The following ADARB2 variants were observed in gnomAD, a reference collection of about 807,000 sequenced individuals.
ADARB2 encodes the protein inactive double-stranded RNA-specific editase B2.
In ADARB2, 25 loss-of-function variants were observed where a neutral mutation model predicts 62.2. That is an observed-to-expected ratio of 0.40 (90% confidence interval 0.29 to 0.56). ADARB2 has a LOEUF of 0.56. Among genes scored for constraint, ADARB2 ranks in the 20% least tolerant of loss-of-function variants. ADARB2 has a pLI of 0.43. For missense variants in ADARB2, 1,071 were observed against 1,077.4 expected, an observed-to-expected ratio of 0.99 and a Z score of 0.08; for synonymous variants, 572 against 500.8, an observed-to-expected ratio of 1.14 and a Z score of -1.90.
At chr10:1,317,054 C>G (rs1249334246) in intron 3 of ADARB2, among the ~76,000 whole-genome samples, 1 of 152,266 alleles carries the variant, frequency 6.6e-6, no homozygotes, top group East Asian at 1.9e-4. Context: ...TTTATGGGCA[C>G]TGCCGTGGCA....
intron 1 of ADARB2, among the ~76,000 whole-genome samples, chr10:1,652,223 A>G (rs1834119440): frequency 6.6e-6 from 1 of 152,218 alleles, no homozygotes; most frequent in Non-Finnish European, 1.5e-5. Flanking sequence ...CTGGCCAGTG[A>G]CAGCTCAGCA....
At position 1,326,784 on chromosome 10, in the gene ADARB2, A is replaced by ACGGCCCAGCGC. The variant is rs1399183377; in HGVS notation, c.1077+36243_1077+36244insGCGCTGGGCCG. Among the ~76,000 whole-genome samples the ACGGCCCAGCGC allele has an allele frequency of 1.6e-4, 10 of 63,418 alleles. 1 individual carries two copies. The highest frequency in any genetic ancestry group is 2.5e-4 in the African/African-American group (6 of 24,004). 41.6% of individuals were successfully genotyped at this position (63,418 alleles called of 152,430 possible). On this transcript the variant is annotated intron_variant, in intron 3 of 9. Transcript: ENST00000381312. ...GCCTCTGGTAGCACAGCCCCTCCTC[A>ACGGCCCAGCGC]CTGCCCAGCGCCTCCCCACGGCCCA...
intron 1 of ADARB2, among the ~76,000 whole-genome samples, chr10:1,681,073 G>C (rs754456295): frequency 5.3e-5 from 8 of 152,208 alleles, no homozygotes; most frequent in Non-Finnish European, 1.0e-4. Flanking sequence ...GAAGCGTCAG[G>C]TTTGAAGGCA....
intron 1 of ADARB2, among the ~76,000 whole-genome samples, chr10:1,437,038 T>C (rs533833118): frequency 1.3e-4 from 20 of 152,308 alleles, no homozygotes; most frequent in African/African-American, 4.8e-4. Context: ...ATGCTGTTAG[T>C]TGCATTAAGG....
chr10:1,232,744 G>C (rs1368321757), intron 6 of ADARB2, among the ~76,000 whole-genome samples: 1 of 137,348 alleles, frequency 7.3e-6, no homozygotes, highest in Non-Finnish European at 1.6e-5. Context: ...GACATGAGTA[G>C]TGTATGTGGT....
chr10:1,266,071 G>T (rs533135663), intron 4 of ADARB2, among the ~76,000 whole-genome samples: 3 of 147,684 alleles, frequency 2.0e-5, no homozygotes, highest in Non-Finnish European at 4.5e-5. Context: ...ACGCTCCCCC[G>T]GAAGACGGCC....
At chr10:1,590,244 C>T (rs557690079) in intron 1 of ADARB2, among the ~76,000 whole-genome samples, 2 of 152,160 alleles carry the variant, frequency 1.3e-5, no homozygotes, top group Non-Finnish European at 2.9e-5. Flanking sequence ...GGCACCCAGC[C>T]CATTAGGAGC....
At chr10:1,249,616 G>GCGCGCA (rs1554748542) in intron 4 of ADARB2, among the ~76,000 whole-genome samples, 1 of 147,356 alleles carries the variant, frequency 6.8e-6, no homozygotes, top group African/African-American at 2.5e-5. Context: ...GTGATTTTAT[G>GCGCGCA]CACACACACA....
At chr10:1,308,569 A>G (rs544488203) in intron 3 of ADARB2, among the ~76,000 whole-genome samples, 2 of 152,300 alleles carry the variant, frequency 1.3e-5, no homozygotes, top group African/African-American at 2.4e-5. Flanking sequence ...TTCATAAGAA[A>G]ATGCCACGCT....
At chr10:1,519,423 A>G (rs11250579) in intron 1 of ADARB2, among the ~76,000 whole-genome samples, 2 of 152,088 alleles carry the variant, frequency 1.3e-5, no homozygotes, top group Non-Finnish European at 2.9e-5. Flanking sequence ...TAGTGTCTGT[A>G]TGTTGGTATT....
At chr10:1,197,553 AT>A (rs1323596980) in intron 8 of ADARB2, among the ~76,000 whole-genome samples, 1 of 152,192 alleles carries the variant, frequency 6.6e-6, no homozygotes, top group Non-Finnish European at 1.5e-5. Context: ...GCTCTCCTCT[AT>A]TTTATCACCA....
intron 1 of ADARB2, among the ~76,000 whole-genome samples, chr10:1,642,217 C>T (rs986041728): frequency 2.7e-5 from 4 of 147,694 alleles, no homozygotes; most frequent in Non-Finnish European, 2.9e-5. Flanking sequence ...CAAAAGCACA[C>T]GGATTTTGGC....
chr10:1,408,815 G>T (rs999695489), intron 1 of ADARB2, among the ~76,000 whole-genome samples: 3 of 152,206 alleles, frequency 2.0e-5, no homozygotes, highest in Admixed American at 6.5e-5. Flanking sequence ...GCTGGGAATT[G>T]TGTCTGCACC....
intron 3 of ADARB2, among the ~76,000 whole-genome samples, chr10:1,308,668 G>A (rs992192061): frequency 6.6e-6 from 1 of 152,220 alleles, no homozygotes; most frequent in Admixed American, 6.5e-5. Flanking sequence ...ATTTGGTGGT[G>A]TCAGTGTTCT....
At chr10:1,337,062 C>CTGTGTGTG (rs145511384) in intron 3 of ADARB2, among the ~76,000 whole-genome samples, 1,919 of 142,128 alleles carry the variant, frequency 0.014, 32 homozygotes, top group South Asian at 0.046. Context: ...TTAAAGATTT[C>CTGTGTGTG]TGTGTGTGTG....
intron 1 of ADARB2, among the ~76,000 whole-genome samples, chr10:1,432,479 C>A (rs1032911482): frequency 6.6e-6 from 1 of 151,144 alleles, no homozygotes; most frequent in Non-Finnish European, 1.5e-5. Flanking sequence ...AGTCTCAGCC[C>A]GTGACTGTGA....
At position 1,277,198 on chromosome 10, in the gene ADARB2, T is replaced by C. The variant is rs1182917081; in HGVS notation, c.1078-6129A>G. ...ACCCTAACATCACAATGAAAAGAAC[T>C]AGAGACACAAGAGCAAACACATTCA... On this transcript the variant is annotated intron_variant, in intron 3 of 9. Transcript: ENST00000381312. Among the ~76,000 whole-genome samples the C allele has an allele frequency of 3.3e-5, 5 of 152,028 alleles. No individual in the cohort carries two copies. The East Asian group carries it at 7.7e-4, about 23-fold the overall frequency.
At chr10:1,282,502 T>C (rs1018638467) in intron 3 of ADARB2, among the ~76,000 whole-genome samples, 25 of 152,194 alleles carry the variant, frequency 1.6e-4, no homozygotes, top group African/African-American at 6.0e-4. Flanking sequence ...ATTGATGACA[T>C]AGGGTGTTAG....
chr10:1,613,704 A>G (rs1833598046), intron 1 of ADARB2, among the ~76,000 whole-genome samples: 1 of 152,222 alleles, frequency 6.6e-6, no homozygotes, highest in Non-Finnish European at 1.5e-5. Flanking sequence ...TTGAATAGAC[A>G]TGTTTCTTAT....
Sources: gnomAD v4.1 joint callset for allele counts (sites outside exome capture counted in the v4.1 genomes callset) on GRCh38, gnomAD v4.1.1 for gene constraint, MANE v1.5 for transcripts, NCBI Gene and HGNC (gene_info 2026-07-23, HGNC 2026-07-21) for gene names.